CHST8: variants seen among roughly 807,000 people sequenced by gnomAD.
The protein encoded by CHST8 is carbohydrate sulfotransferase 8.
Under a neutral mutation model 15.0 loss-of-function variants are expected in CHST8, and 10 were observed. That is an observed-to-expected ratio of 0.67 (90% CI 0.41 to 1.13). The LOEUF (loss-of-function observed/expected upper bound fraction) is 1.13, where lower values mean the gene tolerates loss of function less well. CHST8 is among the 50% of genes most tolerant of loss of function. The pLI is 0.00. For synonymous variants in CHST8, 259 were observed against 256.6 expected, an observed-to-expected ratio of 1.01 and a Z score of -0.09; for missense variants, 634 against 608.2, an observed-to-expected ratio of 1.04 and a Z score of -0.45.
intron 1 of CHST8, among the ~76,000 whole-genome samples, chr19:33,642,752 G>T (rs1972300458): frequency 6.6e-6 from 1 of 152,232 alleles, no homozygotes; most frequent in African/African-American, 2.4e-5. Flanking sequence ...TCTGGCTCTG[G>T]TGTTGGCATA....
intron 3 of CHST8, among the ~76,000 whole-genome samples, chr19:33,747,990 G>C (rs1486692772): frequency 6.6e-6 from 1 of 152,106 alleles, no homozygotes; most frequent in East Asian, 1.9e-4. Context: ...AACATGGCCT[G>C]GGGAAGGAGA....
chr19:33,659,214 C>T (rs1024721639), intron 1 of CHST8, among the ~76,000 whole-genome samples: 15 of 151,786 alleles, frequency 9.9e-5, no homozygotes, highest in Admixed American at 8.5e-4. Flanking sequence ...TACAGGCAAG[C>T]GCCACCACAC....
rs1365725815 is a variant in CHST8 at position 33,757,605 on chromosome 19, A to AAAGAAAGAAAGAAAGAAAGAAAGAAAGG, written c.131-13808_131-13807insAAGAAAGAAAGAAAGAAAGAAAGAAAGG. On this transcript the variant is annotated intron_variant, in intron 3 of 4. Transcript: ENST00000650847. ...GAAAGAAAGAAAGAAAGAAAGAAAG[A>AAAGAAAGAAAGAAAGAAAGAAAGAAAGG]GCCGGCCATTCAGAAGGGAGCAGAA... 3.5e-5 allele frequency among the ~76,000 whole-genome samples: 4 copies of AAAGAAAGAAAGAAAGAAAGAAAGAAAGG among 112,922 alleles called. 1 individual carries two copies. The highest frequency in any genetic ancestry group is 1.5e-4 in the African/African-American group (4 of 27,390). 74.1% of individuals were successfully genotyped at this position (112,922 alleles called of 152,430 possible). A position where few individuals can be genotyped will look rare whatever the true frequency, so the allele number is the denominator to read the frequency against.
At chr19:33,669,957 G>A (rs1230488804) in intron 2 of CHST8, among the ~76,000 whole-genome samples, 1 of 152,152 alleles carries the variant, frequency 6.6e-6, no homozygotes, top group African/African-American at 2.4e-5. Context: ...GAGCCGAATT[G>A]GAAAATAATA....
chr19:33,757,498 GAAAGAAAGAAAGAAAGAA>G (rs1974603010), intron 3 of CHST8, among the ~76,000 whole-genome samples: 2 of 47,116 alleles, frequency 4.2e-5, no homozygotes, highest in African/African-American at 1.8e-4. Flanking sequence ...AAGAAAGAAA[GAAAGAAAGAAAGAAAGAA>G]AGAAAGAGAA....
At chr19:33,712,880 T>G (rs1194687705) in intron 3 of CHST8, among the ~76,000 whole-genome samples, 2 of 152,126 alleles carry the variant, frequency 1.3e-5, no homozygotes. Flanking sequence ...TGCCTGTCTG[T>G]ATATTGGTCT....
chr19:33,739,802 C>T (rs1269789365), intron 3 of CHST8, among the ~76,000 whole-genome samples: 1 of 152,136 alleles, frequency 6.6e-6, no homozygotes, highest in Non-Finnish European at 1.5e-5. Flanking sequence ...TCTCTGACAT[C>T]CAGGCTCTGG....
chr19:33,770,705 T>G (rs1974961709), intron 3 of CHST8, among the ~76,000 whole-genome samples: 1 of 152,158 alleles, frequency 6.6e-6, no homozygotes, highest in African/African-American at 2.4e-5. Context: ...TGTGTCTTCC[T>G]GAGGTCATCA....
At chr19:33,701,098 C>T (rs1294188738) in intron 3 of CHST8, among the ~76,000 whole-genome samples, 1 of 152,172 alleles carries the variant, frequency 6.6e-6, no homozygotes, top group African/African-American at 2.4e-5. Flanking sequence ...TTCACTGCCA[C>T]ACTCCCTGGG....
At chr19:33,751,758 G>T (rs1300760755) in intron 3 of CHST8, among the ~76,000 whole-genome samples, 2 of 152,214 alleles carry the variant, frequency 1.3e-5, no homozygotes, top group African/African-American at 4.8e-5. Flanking sequence ...ACCTCTTTGA[G>T]ACTCAGTGAG....
Position 33,733,437 on chromosome 19 carries a change from G to A in CHST8, c.131-37976G>A, listed in dbSNP as rs193189569. ...TTTAGTAGAGATGGGGTTTCATCAT[G>A]TTGGCCAAGCTGGTCTTGAAGTCCT... is the stretch of plus-strand genomic sequence containing the variant. On this transcript the variant is annotated intron_variant, in intron 3 of 4. Coordinates refer to ENST00000650847, the MANE Select transcript of CHST8 (RefSeq NM_001127895.2). 7.5e-3 allele frequency among the ~76,000 whole-genome samples: 1,145 copies of A among 152,120 alleles called. 11 individuals carry two copies. The highest frequency in any genetic ancestry group is 0.027 in the Middle Eastern group (8 of 294).
chr19:33,679,995 C>T (rs537188161), intron 2 of CHST8, among the ~76,000 whole-genome samples: 4 of 152,146 alleles, frequency 2.6e-5, no homozygotes, highest in African/African-American at 4.8e-5. Context: ...CAGGACACTC[C>T]GACAGGCTGA....
chr19:33,629,255 G>A (rs1183407605), intron 1 of CHST8, among the ~76,000 whole-genome samples: 1 of 152,218 alleles, frequency 6.6e-6, no homozygotes, highest in African/African-American at 2.4e-5. Flanking sequence ...TGGTCTCCAT[G>A]TGTGTTTCAT....
chr19:33,673,539 T>C (rs1428152380), intron 2 of CHST8, among the ~76,000 whole-genome samples: 1 of 152,152 alleles, frequency 6.6e-6, no homozygotes, highest in East Asian at 1.9e-4. Context: ...CTGGGGCTTT[T>C]GTCTTCAAGT....
intron 3 of CHST8, among the ~76,000 whole-genome samples, chr19:33,717,233 G>T (rs542173119): frequency 1.3e-4 from 20 of 152,306 alleles, no homozygotes; most frequent in Non-Finnish European, 2.5e-4. Flanking sequence ...GGCCAAGGCA[G>T]GCAGATCACC....
chr19:33,662,631 G>T (rs1176605497), intron 1 of CHST8, among the ~76,000 whole-genome samples: 1 of 152,186 alleles, frequency 6.6e-6, no homozygotes, highest in Non-Finnish European at 1.5e-5. Flanking sequence ...CTCAGTGAGG[G>T]TTCCTGGAAC....
chr19:33,679,538 G>T (rs139544948), intron 2 of CHST8, among the ~76,000 whole-genome samples: 3 of 152,210 alleles, frequency 2.0e-5, no homozygotes, highest in African/African-American at 7.2e-5. Context: ...CAGAGGAGGC[G>T]AAGTGAGTGT....
Position 33,772,035 on chromosome 19 carries a change from G to C in CHST8, c.247G>C (p.Ala83Pro), listed in dbSNP as rs749805590. Residue 83 changes from alanine to proline, a missense_variant, in exon 5 of 5, where the codon GCC becomes CCC. By Grantham distance (27) the Ala-to-Pro change is conservative. Transcript: ENST00000650847. The part of the protein sequence containing the change: ...ERVTRDLSSG[A>P]PRGRNLPAPD... ...GGTCACTCGGGACTTATCCAGTGGG[G>C]CCCCGAGGGGCCGCAACCTGCCAGC... The C allele has an allele frequency of 1.9e-6, 3 of 1,611,838 alleles. No individual in the cohort carries two copies. The Admixed American group carries it at 5.0e-5, about 27-fold the overall frequency.
chr19:33,668,688 A>G (rs1972695576), intron 2 of CHST8, among the ~76,000 whole-genome samples: 1 of 152,144 alleles, frequency 6.6e-6, no homozygotes, highest in South Asian at 2.1e-4. Context: ...TTCAAAATAT[A>G]AAGTTATATT....
Sources: gnomAD v4.1 joint callset for allele counts (sites outside exome capture counted in the v4.1 genomes callset) on GRCh38, gnomAD v4.1.1 for gene constraint, MANE v1.5 for transcripts, NCBI Gene and HGNC (gene_info 2026-07-23, HGNC 2026-07-21) for gene names.